The following PLAA variants were observed in gnomAD, a reference collection of about 807,000 sequenced individuals.
PLAA encodes phospholipase A2 activating protein.
A neutral mutation model predicts 84.1 loss-of-function variants in PLAA; 48 were observed. That is an observed-to-expected ratio of 0.57 (90% CI 0.45 to 0.73). The LOEUF (loss-of-function observed/expected upper bound fraction) is 0.73. Among genes scored for constraint, PLAA ranks in the 30% least tolerant of loss-of-function variants. The pLI, the probability that PLAA is intolerant of heterozygous loss-of-function variation, is 0.00. For synonymous variants in PLAA, 392 were observed against 336.6 expected (o/e 1.16, Z -1.80); for missense variants, 903 against 954.7 (o/e 0.95, Z 0.71).
intron 4 of PLAA, 42 bp from the exon 5 acceptor site, chr9:26,926,602 T>C: frequency 2.1e-6 from 3 of 1,459,038 alleles, no homozygotes; most frequent in Non-Finnish European, 2.8e-6. Context: ...AAACTGATAA[T>C]TTGGCTGATG....
chr9:26,946,390 G>C (rs1034566810), intron 1 of PLAA, among the ~76,000 whole-genome samples: 1 of 151,392 alleles, frequency 6.6e-6, no homozygotes, highest in Admixed American at 6.6e-5. Context: ...ACTCCCTCAG[G>C]ACCAGCACAG....
At chr9:26,935,259 G>T (rs1825323106) in intron 1 of PLAA, 53 bp from the exon 2 acceptor site, 2 of 1,180,222 alleles carry the variant, frequency 1.7e-6, no homozygotes, top group Non-Finnish European at 2.3e-6. Context: ...ACTTAGCCTA[G>T]GACATAAACT....
At chr9:26,932,195 T>G (rs550828493) in intron 2 of PLAA, among the ~76,000 whole-genome samples, 2 of 131,206 alleles carry the variant, frequency 1.5e-5, no homozygotes, top group Non-Finnish European at 3.2e-5. Flanking sequence ...CTGGGTAAAT[T>G]TGAACATTCA....
In PLAA at chr9:26,926,531, T is replaced by C. The variant is rs1563913962; in HGVS notation, c.595A>G (p.Ile199Val). The C allele has an allele frequency of 8.1e-6, 13 of 1,613,602 alleles. No homozygotes were observed. The highest frequency in any genetic ancestry group is 5.5e-5 in the South Asian group (5 of 91,054). ...GHEDCVRGLA[I>V]LSETEFLSCA... ...GAAAGAAATTCTGTTTCACTCAAAA[T>C]TGCCAAACCTCTTACACAGTCTTCA... Residue 199 changes from isoleucine (I) to valine (V), a missense_variant, in exon 5 of 14, where the codon ATT becomes GTT. By Grantham distance (29) the Ile-to-Val change is conservative. Transcript: ENST00000397292.
intron 1 of PLAA, 50 bp downstream of exon 1, chr9:26,946,847 C>G: frequency 6.6e-7 from 1 of 1,521,522 alleles, no homozygotes; most frequent in Non-Finnish European, 8.8e-7. Context: ...TCCTTCCACT[C>G]TCCGGGAAGC....
In PLAA at chr9:26,932,756, T is replaced by C. The variant is rs549879247; in HGVS notation, c.343+2257A>G. 1.1e-4 allele frequency among the ~76,000 whole-genome samples: 17 copies of C among 152,356 alleles called. No homozygotes were observed. In the East Asian group the frequency reaches 1.5e-3, roughly 14 times the overall value. Reference sequence around the variant, plus strand: ...TACTTCTGTGTACATTTGATTTCTATATAAAATTTTAAAAATCTGTATCCC... The same window carrying C: ...TACTTCTGTGTACATTTGATTTCTACATAAAATTTTAAAAATCTGTATCCC... On this transcript the variant is annotated intron_variant, in intron 2 of 13. Transcript: ENST00000397292.
At chr9:26,924,471 T>G (rs571858594) in intron 6 of PLAA, among the ~76,000 whole-genome samples, 42 of 152,166 alleles carry the variant, frequency 2.8e-4, no homozygotes, top group South Asian at 1.0e-3. Context: ...CATTATAGAG[T>G]AGTCTATGAT....
chr9:26,945,588 T>C (rs974367039), intron 1 of PLAA, among the ~76,000 whole-genome samples: 5 of 152,152 alleles, frequency 3.3e-5, no homozygotes, highest in African/African-American at 4.8e-5. Flanking sequence ...TCTACACTTA[T>C]CCCTTCTCAA....
chr9:26,922,788 T>C (rs1050389891), intron 7 of PLAA, among the ~76,000 whole-genome samples: 1 of 151,936 alleles, frequency 6.6e-6, no homozygotes, highest in Middle Eastern at 3.4e-3. Flanking sequence ...CACCTCAGCC[T>C]CCTGAGTAGC....
Position 26,917,090 on chromosome 9 carries a change from AT to A in PLAA, c.1486+6del, listed in dbSNP as rs1824586489. ...AGAAAGATACATGAATCAAAACTAC[AT>A]CCCACCTGTAAAAGGATCTGCTGTG... On this transcript the variant is annotated splice_donor_region_variant and intron_variant, in intron 10 of 13. Transcript: ENST00000397292. 6.2e-7 allele frequency: 1 copy of A among 1,611,346 alleles called. No individual in the cohort carries two copies. Among genetic ancestry groups the A allele is most frequent in the South Asian group, 1.1e-5 (1 of 90,968 alleles).
At chr9:26,914,884 A>C (rs937967967) in intron 10 of PLAA, among the ~76,000 whole-genome samples, 3 of 152,202 alleles carry the variant, frequency 2.0e-5, no homozygotes, top group African/African-American at 7.2e-5. Flanking sequence ...GGTTACTCCA[A>C]ACTGGCTCCA....
intron 1 of PLAA, among the ~76,000 whole-genome samples, chr9:26,944,946 G>A (rs987134256): frequency 5.3e-5 from 8 of 152,172 alleles, no homozygotes; most frequent in Non-Finnish European, 1.2e-4. Context: ...TGACCAACAT[G>A]GAGAAACCCC....
intron 7 of PLAA, among the ~76,000 whole-genome samples, chr9:26,920,674 T>G (rs1205873546): frequency 6.6e-6 from 1 of 152,194 alleles, no homozygotes; most frequent in Non-Finnish European, 1.5e-5. Flanking sequence ...CTAACACATT[T>G]CATTCCGTAA....
chr9:26,908,076 A>G (rs1276819472), intron 12 of PLAA, 78 bp from the exon 13 acceptor site: 4 of 1,071,826 alleles, frequency 3.7e-6, no homozygotes, highest in Non-Finnish European at 2.7e-6. Flanking sequence ...GACTTTCAAT[A>G]AAAGTACTCT....
At chr9:26,942,877 CAAAAAAAAAA>C in intron 1 of PLAA, among the ~76,000 whole-genome samples, 1 of 51,348 alleles carries the variant, frequency 1.9e-5, no homozygotes, top group East Asian at 4.8e-4. Flanking sequence ...AGACTCGTCT[CAAAAAAAAAA>C]AAAAAAAAAA....
chr9:26,942,434 G>A (rs976477654), intron 1 of PLAA, among the ~76,000 whole-genome samples: 19 of 152,028 alleles, frequency 1.2e-4, no homozygotes, highest in African/African-American at 4.3e-4. Flanking sequence ...GAGGTGATTC[G>A]GTAACGAACA....
intron 1 of PLAA, among the ~76,000 whole-genome samples, chr9:26,945,599 T>A (rs1214441078): frequency 1.3e-5 from 2 of 152,184 alleles, no homozygotes; most frequent in African/African-American, 4.8e-5. Context: ...CCCTTCTCAA[T>A]CTATTCTCTA....
At chr9:26,923,096 A>G (rs1824822827) in intron 7 of PLAA, 82 bp downstream of exon 7, 5 of 1,041,598 alleles carry the variant, frequency 4.8e-6, no homozygotes, top group Non-Finnish European at 6.9e-6. Context: ...AAACACAAGC[A>G]AAACAACATT....
intron 2 of PLAA, among the ~76,000 whole-genome samples, chr9:26,930,139 C>T (rs1229013360): frequency 6.7e-6 from 1 of 149,274 alleles, no homozygotes; most frequent in Non-Finnish European, 1.5e-5. Flanking sequence ...GAGTCTCGCT[C>T]TGTCGCCCAG....
Sources: gnomAD v4.1 joint callset for allele counts (sites outside exome capture counted in the v4.1 genomes callset) on GRCh38, gnomAD v4.1.1 for gene constraint, MANE v1.5 for transcripts, NCBI Gene and HGNC (gene_info 2026-07-23, HGNC 2026-07-21) for gene names.